The following FGF14 variants were observed in gnomAD, a reference collection of about 807,000 sequenced individuals.
FGF14 encodes fibroblast growth factor 14.
FGF14 carries 5 observed loss-of-function variants against 25.5 expected under a neutral mutation model. That is an observed-to-expected ratio of 0.20 (90% CI 0.10 to 0.41). FGF14 has a LOEUF of 0.41. FGF14 is among the 10% of genes least tolerant of loss of function. The pLI, the probability that FGF14 is intolerant of heterozygous loss-of-function variation, is 1.00. For missense variants in FGF14, 222 were observed against 320.1 expected (o/e 0.69, Z 2.34); for synonymous variants, 138 against 118.3 (o/e 1.17, Z -1.08).
At chr13:102,205,922 G>GCC (rs2049889399) in intron 1 of FGF14, among the ~76,000 whole-genome samples, 2 of 141,816 alleles carry the variant, frequency 1.4e-5, no homozygotes, top group Non-Finnish European at 3.0e-5. Flanking sequence ...CAGTTGGGGT[G>GCC]ACGTGGACCA....
At chr13:102,178,694 T>C (rs901695263) in intron 1 of FGF14, among the ~76,000 whole-genome samples, 2 of 152,154 alleles carry the variant, frequency 1.3e-5, no homozygotes, top group African/African-American at 2.4e-5. Context: ...TCCAGTTCCA[T>C]CCATGTTGCT....
chr13:101,848,612 AAGAG>A (rs1399452939), intron 3 of FGF14, among the ~76,000 whole-genome samples: 1 of 152,080 alleles, frequency 6.6e-6, no homozygotes, highest in Non-Finnish European at 1.5e-5. Context: ...ATAACAGAAA[AAGAG>A]AGACTATAAC....
intron 3 of FGF14, among the ~76,000 whole-genome samples, chr13:101,785,787 T>C (rs2039787742): frequency 6.6e-6 from 1 of 152,158 alleles, no homozygotes; most frequent in African/African-American, 2.4e-5. Context: ...GAGAATCAAG[T>C]GTAAGGTGTA....
intron 1 of FGF14, among the ~76,000 whole-genome samples, chr13:101,950,750 T>C (rs1343455866): frequency 3.6e-5 from 3 of 82,312 alleles, no homozygotes; most frequent in African/African-American, 2.3e-4. Context: ...AACCTAATCA[T>C]GTTTTTTTTT....
In FGF14 at chr13:102,123,525, GAAATAGTACTAAAC is replaced by G. The variant is rs141217964; in HGVS notation, c.209-248243_209-248230del. Among the ~76,000 whole-genome samples the G allele has an allele frequency of 7.2e-3, 1,103 of 152,188 alleles. 19 individuals carry two copies. The highest frequency in any genetic ancestry group is 0.025 in the African/African-American group (1,041 of 41,524). On this transcript the variant is annotated intron_variant, in intron 1 of 4. Coordinates refer to the FGF14 transcript ENST00000376131. Reference sequence around the variant, plus strand: ...AGAATATCAAGGGGTGGACAAAAAAGAAATAGTACTAAACAAATTTTTTTGAACCCAGGTGATCA... The same window carrying G: ...AGAATATCAAGGGGTGGACAAAAAAGAAATTTTTTTGAACCCAGGTGATCA...
At chr13:102,120,912 C>T (rs1351427278) in intron 1 of FGF14, among the ~76,000 whole-genome samples, 2 of 152,136 alleles carry the variant, frequency 1.3e-5, no homozygotes, top group Non-Finnish European at 2.9e-5. Flanking sequence ...CCGTGTTGGC[C>T]AGGCTGCTCT....
chr13:102,340,855 C>T (rs1425274462), intron 1 of FGF14, among the ~76,000 whole-genome samples: 3 of 152,128 alleles, frequency 2.0e-5, no homozygotes, highest in Non-Finnish European at 4.4e-5. Context: ...AAGAATATCC[C>T]ATGCATGTGT....
At chr13:102,242,096 G>C (rs1231947997) in intron 1 of FGF14, among the ~76,000 whole-genome samples, 2 of 152,044 alleles carry the variant, frequency 1.3e-5, no homozygotes, top group African/African-American at 2.4e-5. Context: ...CCTCATCAGA[G>C]TAACCTAGTT....
chr13:102,059,234 A>G lies in FGF14; in HGVS notation c.209-183938T>C, dbSNP rs978854201. On this transcript the variant is annotated intron_variant, in intron 1 of 4. Coordinates refer to the FGF14 transcript ENST00000376131. The stretch of plus-strand genomic sequence containing the variant: ...GACACATTGTCACATCATCAACTGG[A>G]GCAAGATAGGGGAATAGTCCTCAGA... 3.3e-5 allele frequency among the ~76,000 whole-genome samples: 5 copies of G among 152,318 alleles called. No individual in the cohort carries two copies. The South Asian group carries it at 8.3e-4, about 25-fold the overall frequency.
chr13:101,796,374 T>G (rs190073284), intron 3 of FGF14, among the ~76,000 whole-genome samples: 1 of 152,164 alleles, frequency 6.6e-6, no homozygotes, highest in East Asian at 1.9e-4. Flanking sequence ...CCTTCCATAC[T>G]GTTCTGTGTC....
chr13:101,876,447 T>A lies in FGF14; in HGVS notation c.194-1151A>T, dbSNP rs187599408. Among the ~76,000 whole-genome samples the A allele has an allele frequency of 4.4e-3, 666 of 152,202 alleles. 8 individuals are homozygous for A. Among genetic ancestry groups the A allele is most frequent in the African/African-American group, 0.015 (640 of 41,518 alleles). ...TTGCAAATAGGTGAAGACAAAAAAA[T>A]TTTTTTGAGAGCTATCCTTAAGCTC... On this transcript the variant is annotated intron_variant, in intron 1 of 4. Coordinates refer to ENST00000376143, the MANE Select transcript of FGF14 (RefSeq NM_004115.4).
chr13:102,202,822 A>G (rs1486854330), intron 1 of FGF14, among the ~76,000 whole-genome samples: 3 of 152,178 alleles, frequency 2.0e-5, no homozygotes, highest in African/African-American at 7.2e-5. Flanking sequence ...TATTCTGACC[A>G]CCAGCAAGAA....
intron 1 of FGF14, among the ~76,000 whole-genome samples, chr13:101,926,423 T>C (rs1361776856): frequency 6.6e-6 from 1 of 152,210 alleles, no homozygotes; most frequent in African/African-American, 2.4e-5. Context: ...CAGTGTTACC[T>C]GTTATCATTT....
At chr13:102,193,198 C>G (rs2049197732) in intron 1 of FGF14, among the ~76,000 whole-genome samples, 1 of 152,090 alleles carries the variant, frequency 6.6e-6, no homozygotes, top group Admixed American at 6.6e-5. Context: ...GACAAGCATG[C>G]CAGCAGCACA....
At chr13:102,134,366 A>G (rs2046322342) in intron 1 of FGF14, among the ~76,000 whole-genome samples, 1 of 152,192 alleles carries the variant, frequency 6.6e-6, no homozygotes, top group South Asian at 2.1e-4. Flanking sequence ...AGAGAATGAT[A>G]CAGGTACTTT....
chr13:101,782,110 T>C (rs2039530443), intron 3 of FGF14, among the ~76,000 whole-genome samples: 1 of 152,190 alleles, frequency 6.6e-6, no homozygotes, highest in African/African-American at 2.4e-5. Context: ...TACTGAATAT[T>C]CTCACTTTGA....
At chr13:102,207,194 C>T (rs1199709996) in intron 1 of FGF14, among the ~76,000 whole-genome samples, 5 of 151,842 alleles carry the variant, frequency 3.3e-5, no homozygotes, top group Admixed American at 6.6e-5. Flanking sequence ...GCAGGAAAAT[C>T]GCTTGAACCC....
chr13:101,810,559 C>A (rs2041449001), intron 3 of FGF14, among the ~76,000 whole-genome samples: 1 of 152,164 alleles, frequency 6.6e-6, no homozygotes, highest in South Asian at 2.1e-4. Flanking sequence ...CGCTGACATG[C>A]AGGACTGGAT....
intron 1 of FGF14, among the ~76,000 whole-genome samples, chr13:102,082,771 G>A (rs1181620607): frequency 6.7e-6 from 1 of 149,970 alleles, no homozygotes; most frequent in Admixed American, 6.6e-5. Context: ...CGGCTAAAAC[G>A]GTGAAACCCC....
Sources: gnomAD v4.1 joint callset for allele counts (sites outside exome capture counted in the v4.1 genomes callset) on GRCh38, gnomAD v4.1.1 for gene constraint, MANE v1.5 for transcripts, NCBI Gene and HGNC (gene_info 2026-07-23, HGNC 2026-07-21) for gene names.